Variants in PRDM11 observed in about 807,000 individuals in gnomAD.
PRDM11 encodes the protein PR/SET domain 11.
Under a neutral mutation model 97.8 loss-of-function variants are expected in PRDM11, and 20 were observed. The observed-to-expected ratio is 0.20, with a 90% CI of 0.14 to 0.30. The LOEUF (loss-of-function observed/expected upper bound fraction) is 0.30, where lower values mean the gene tolerates loss of function less well. PRDM11 is among the 10% of genes least tolerant of loss of function. The probability of loss-of-function intolerance (pLI) is 1.00; values close to 1 mark genes in which losing one functional copy is unlikely to be tolerated. For missense variants in PRDM11, 1,139 were observed against 1,555.2 expected, an observed-to-expected ratio of 0.73 and a Z score of 4.50; for synonymous variants, 599 against 637.7, an observed-to-expected ratio of 0.94 and a Z score of 0.91.
chr11:45,120,112 C>G (rs1408407212), intron 1 of PRDM11, among the ~76,000 whole-genome samples: 5 of 152,166 alleles, frequency 3.3e-5, no homozygotes, highest in Admixed American at 2.6e-4. Context: ...ATGTATTTAA[C>G]AGGAGACTGA....
intron 1 of PRDM11, among the ~76,000 whole-genome samples, chr11:45,154,440 T>C (rs927045568): frequency 2.0e-5 from 3 of 152,130 alleles, no homozygotes; most frequent in Non-Finnish European, 4.4e-5. Context: ...ACCTCACAGG[T>C]CAGAAGTTGC....
At chr11:45,128,174 G>A (rs578057068) in intron 1 of PRDM11, among the ~76,000 whole-genome samples, 18 of 152,350 alleles carry the variant, frequency 1.2e-4, no homozygotes, top group Middle Eastern at 3.4e-3. Flanking sequence ...ATCTCCTGGT[G>A]TGCCGTTTTT....
At chr11:45,200,992 G>A (rs12363331) in intron 4 of PRDM11, among the ~76,000 whole-genome samples, 27,176 of 152,018 alleles carry the variant, frequency 0.18, 3,096 homozygotes, top group African/African-American at 0.32. Context: ...ACAACTGATG[G>A]TGATGGTGAT....
chr11:45,219,822 G>A lies in PRDM11; in HGVS notation c.742+65G>A. On this transcript the variant is annotated intron_variant, in intron 6 of 7. Coordinates refer to ENST00000683152, the MANE Select transcript of PRDM11 (RefSeq NM_001384648.1). The surrounding 1 kb of genome is among the most constrained non-coding windows in gnomAD (Gnocchi z 4.2). Reference sequence around the variant, plus strand: ...GCCCCAGGGGAGGCCTGGATAGCTTGTTTTGGAGCTTCCTGAGAAATACGG... The same window carrying A: ...GCCCCAGGGGAGGCCTGGATAGCTTATTTTGGAGCTTCCTGAGAAATACGG... 2 of 1,497,104 alleles carry A rather than the reference G, an allele frequency of 1.3e-6. No homozygotes were observed. Among genetic ancestry groups the A allele is most frequent in the East Asian group, 2.4e-5 (1 of 41,512 alleles). 92.7% of individuals were successfully genotyped at this position (1,497,104 alleles called of 1,614,324 possible).
intron 4 of PRDM11, among the ~76,000 whole-genome samples, chr11:45,184,814 A>G (rs1852644578): frequency 6.6e-6 from 1 of 152,104 alleles, no homozygotes. Flanking sequence ...TTGCTTAGTG[A>G]GTCACCTGTG....
At chr11:45,188,755 C>G (rs145679565) in intron 4 of PRDM11, among the ~76,000 whole-genome samples, 1 of 152,310 alleles carries the variant, frequency 6.6e-6, no homozygotes, top group African/African-American at 2.4e-5. Context: ...TGCTGTGATT[C>G]ATTGCCAAGA....
chr11:45,147,965 A>G (rs1049630071), intron 1 of PRDM11, among the ~76,000 whole-genome samples: 6 of 152,166 alleles, frequency 3.9e-5, no homozygotes, highest in Admixed American at 2.6e-4. Context: ...TTGGGGACAG[A>G]AGAATTTTCT....
At chr11:45,123,096 A>G (rs962524972) in intron 1 of PRDM11, among the ~76,000 whole-genome samples, 4 of 152,068 alleles carry the variant, frequency 2.6e-5, no homozygotes, top group African/African-American at 4.8e-5. Context: ...ATGGCCAGTG[A>G]TGATGAGCAT....
At chr11:45,167,943 G>A (rs549802009) in intron 1 of PRDM11, among the ~76,000 whole-genome samples, 4 of 152,244 alleles carry the variant, frequency 2.6e-5, no homozygotes, top group Admixed American at 1.3e-4. Context: ...CTCCAACTTC[G>A]ATGTGCGTAC....
At chr11:45,111,632 A>G (rs1465798257) in intron 1 of PRDM11, among the ~76,000 whole-genome samples, 1 of 152,156 alleles carries the variant, frequency 6.6e-6, no homozygotes, top group Non-Finnish European at 1.5e-5. Flanking sequence ...CAGGGCCCCA[A>G]ATCAGAGAGT....
At chr11:45,107,748 G>T (rs529165671) in intron 1 of PRDM11, among the ~76,000 whole-genome samples, 2 of 152,124 alleles carry the variant, frequency 1.3e-5, no homozygotes, top group East Asian at 3.9e-4. Flanking sequence ...GCGTGGCATT[G>T]TACAAATTAA....
At chr11:45,207,462 G>C (rs1366032118) in intron 5 of PRDM11, among the ~76,000 whole-genome samples, 1 of 151,980 alleles carries the variant, frequency 6.6e-6, no homozygotes, top group African/African-American at 2.4e-5. Context: ...AGACATGTTT[G>C]ATGGTTGGAT....
chr11:45,150,778 A>G (rs964127767), intron 1 of PRDM11, among the ~76,000 whole-genome samples: 1 of 152,206 alleles, frequency 6.6e-6, no homozygotes, highest in Non-Finnish European at 1.5e-5. Flanking sequence ...TCTGGGGAAG[A>G]TGAAGAGGAA....
chr11:45,211,280 C>A (rs1490281696), intron 5 of PRDM11, among the ~76,000 whole-genome samples: 1 of 152,218 alleles, frequency 6.6e-6, no homozygotes, highest in Non-Finnish European at 1.5e-5. Flanking sequence ...CCCAGGACCC[C>A]TGGGAGGCAT....
At chr11:45,115,319 G>T (rs1247337690) in intron 1 of PRDM11, among the ~76,000 whole-genome samples, 1 of 151,924 alleles carries the variant, frequency 6.6e-6, no homozygotes, top group African/African-American at 2.4e-5. Context: ...AAGAGGTTTT[G>T]ATAAAAAGTA....
upstream of PRDM11, among the ~76,000 whole-genome samples, chr11:45,145,268 T>G (rs1375594178): frequency 1.3e-5 from 2 of 152,012 alleles, no homozygotes; most frequent in South Asian, 2.1e-4. Flanking sequence ...GTAACAGGCA[T>G]GAGATTCCAA....
intron 1 of PRDM11, among the ~76,000 whole-genome samples, chr11:45,129,744 T>C (rs1438793638): frequency 6.6e-6 from 1 of 152,062 alleles, no homozygotes; most frequent in Admixed American, 6.6e-5. Context: ...TTGTGACATC[T>C]CAATCAAAAT....
chr11:45,192,788 TCTTGTACTTATAACTTTTAAACAACTGTA>T (rs1443152151), intron 4 of PRDM11, among the ~76,000 whole-genome samples: 1 of 152,216 alleles, frequency 6.6e-6, no homozygotes, highest in Non-Finnish European at 1.5e-5. Context: ...ACACAAAGTG[TCTTGTACTTATAACTTTTAAACAACTGTA>T]AAGCCAAAAC....
In PRDM11 at chr11:45,219,614, C is replaced by T. The variant is rs376563339; in HGVS notation, c.599C>T (p.Ala200Val). Residue 200 changes from alanine (A) to valine (V), a missense_variant, in exon 6 of 8, where the codon GCG (alanine) becomes GTG (valine). By Grantham distance (64) the Ala-to-Val change is moderately conservative. Transcript: ENST00000683152. The surrounding 1 kb of genome is among the most constrained non-coding windows in gnomAD (Gnocchi z 4.2). ...SREEREQNLLAFQHSERIYFR... is the reference protein window; with the variant it reads ...SREEREQNLLVFQHSERIYFR... The stretch of plus-strand genomic sequence containing the variant: ...GAGGAGAGGGAGCAGAACCTGCTGG[C>T]GTTCCAGCACAGTGAGCGCATCTAC... The T allele has an allele frequency of 1.2e-5, 20 of 1,613,944 alleles. No homozygotes were observed. The highest frequency in any genetic ancestry group is 4.5e-5 in the East Asian group (2 of 44,874).
Sources: allele counts gnomAD v4.1 joint callset (sites outside exome capture counted in the v4.1 genomes callset), GRCh38; gene constraint gnomAD v4.1.1; non-coding constraint Gnocchi (gnomAD v3.1); transcripts MANE v1.5; gene names NCBI Gene and HGNC (gene_info 2026-07-23, HGNC 2026-07-21).